ARHGAP24: variants seen among roughly 807,000 people sequenced by gnomAD.
The protein encoded by ARHGAP24 is rho GTPase-activating protein 24.
ARHGAP24 carries 50 observed loss-of-function variants against 76.4 expected under a neutral mutation model. The observed-to-expected ratio is 0.65, with a 90% CI of 0.52 to 0.83. The LOEUF (loss-of-function observed/expected upper bound fraction) is 0.83, where lower values mean the gene tolerates loss of function less well. Ranked by LOEUF, ARHGAP24 falls within the 40% of genes least tolerant of loss-of-function variation. The pLI, the probability that ARHGAP24 is intolerant of heterozygous loss-of-function variation, is 0.00. For missense variants in ARHGAP24, 930 were observed against 914.2 expected (o/e 1.02, Z -0.22); for synonymous variants, 345 against 323.3 (o/e 1.07, Z -0.72).
intron 1 of ARHGAP24, among the ~76,000 whole-genome samples, chr4:85,503,380 G>T (rs1263981067): frequency 6.6e-6 from 1 of 152,066 alleles, no homozygotes; most frequent in African/African-American, 2.4e-5. Context: ...GTTAATTATT[G>T]CCTCAATTTC....
intron 3 of ARHGAP24, among the ~76,000 whole-genome samples, chr4:85,774,909 G>A (rs773706258): frequency 2.6e-5 from 4 of 152,126 alleles, no homozygotes; most frequent in Non-Finnish European, 5.9e-5. Flanking sequence ...TTTGTCAAAT[G>A]CCTGTTTTAT....
chr4:85,509,443 C>G (rs904193462), intron 1 of ARHGAP24, among the ~76,000 whole-genome samples: 2 of 151,550 alleles, frequency 1.3e-5, no homozygotes, highest in African/African-American at 2.4e-5. Context: ...AAAGCGATGG[C>G]TAGATTATAA....
At chr4:85,551,946 CTTAT>C (rs1020126499) in intron 1 of ARHGAP24, among the ~76,000 whole-genome samples, 42 of 152,076 alleles carry the variant, frequency 2.8e-4, no homozygotes, top group African/African-American at 8.4e-4. Context: ...AATGGTCTAC[CTTAT>C]TTATTATTTA....
At chr4:85,930,775 C>A in intron 4 of ARHGAP24, 1 of 1,418,668 alleles carries the variant, frequency 7.0e-7, no homozygotes, top group Non-Finnish European at 9.2e-7. Context: ...GTAACTTATC[C>A]CTAAGCCAGG....
At chr4:85,918,293 A>G (rs974192863) in intron 3 of ARHGAP24, among the ~76,000 whole-genome samples, 1 of 151,976 alleles carries the variant, frequency 6.6e-6, no homozygotes, top group African/African-American at 2.4e-5. Flanking sequence ...AAAAACTCAT[A>G]TTAATAAACT....
intron 3 of ARHGAP24, among the ~76,000 whole-genome samples, chr4:85,766,314 T>A (rs1462810395): frequency 6.6e-6 from 1 of 152,250 alleles, no homozygotes; most frequent in African/African-American, 2.4e-5. Flanking sequence ...GTCGAGAATT[T>A]TCTGTACTTA....
At chr4:85,967,737 C>T (rs1360023590) in intron 5 of ARHGAP24, among the ~76,000 whole-genome samples, 2 of 152,138 alleles carry the variant, frequency 1.3e-5, no homozygotes, top group African/African-American at 2.4e-5. Context: ...GTGAAAGGGA[C>T]TTGAGTCTGT....
At chr4:85,665,383 C>G (rs28871342) in intron 2 of ARHGAP24, among the ~76,000 whole-genome samples, 1 of 152,068 alleles carries the variant, frequency 6.6e-6, no homozygotes, top group East Asian at 1.9e-4. Context: ...CTTCCTCCAT[C>G]CTTTTATTTT....
intron 1 of ARHGAP24, among the ~76,000 whole-genome samples, chr4:85,569,727 C>T (rs558595195): frequency 1.1e-4 from 16 of 152,244 alleles, no homozygotes; most frequent in East Asian, 7.7e-4. Flanking sequence ...TTCAGCTGTA[C>T]GAATCCCTGA....
intron 3 of ARHGAP24, among the ~76,000 whole-genome samples, chr4:85,743,830 G>A (rs1229725623): frequency 6.6e-6 from 1 of 151,996 alleles, no homozygotes; most frequent in East Asian, 1.9e-4. Context: ...TTATAAATAA[G>A]CAAATCTCTT....
chr4:85,601,191 A>G (rs1184310434), intron 2 of ARHGAP24, among the ~76,000 whole-genome samples: 1 of 152,148 alleles, frequency 6.6e-6, no homozygotes, highest in African/African-American at 2.4e-5. Flanking sequence ...TGTAACTACC[A>G]TGGAAGTGAA....
In ARHGAP24 at chr4:85,675,924, A is replaced by G. The variant is rs538307348; in HGVS notation, c.181-45961A>G. The stretch of plus-strand genomic sequence containing the variant: ...ATATCTGACTCCTGCCCTGGACCTC[A>G]GCAACTGAAGTGACATCCTGTATAC... On this transcript the variant is annotated intron_variant, in intron 2 of 9. Transcript: ENST00000395184. Among the ~76,000 whole-genome samples the G allele has an allele frequency of 2.0e-4, 31 of 152,334 alleles. No individual in the cohort carries two copies. In the South Asian group the frequency reaches 6.4e-3, roughly 32 times the overall value.
At chr4:85,506,414 T>G (rs970222536) in intron 1 of ARHGAP24, among the ~76,000 whole-genome samples, 2 of 152,244 alleles carry the variant, frequency 1.3e-5, no homozygotes, top group Admixed American at 6.5e-5. Context: ...TTTGAGCTTC[T>G]TGGCCACTTT....
chr4:85,885,574 T>G (rs780064831), intron 3 of ARHGAP24, among the ~76,000 whole-genome samples: 7 of 152,138 alleles, frequency 4.6e-5, no homozygotes, highest in Non-Finnish European at 8.8e-5. Flanking sequence ...AACAAAACCA[T>G]TCTTGGATCA....
intron 2 of ARHGAP24, among the ~76,000 whole-genome samples, chr4:85,645,260 G>A (rs567528502): frequency 1.6e-3 from 244 of 152,142 alleles, no homozygotes; most frequent in Non-Finnish European, 2.8e-3. Flanking sequence ...CTGGTTATTG[G>A]CACATTTAAT....
intron 3 of ARHGAP24, among the ~76,000 whole-genome samples, chr4:85,910,458 T>A (rs1019098284): frequency 6.6e-6 from 1 of 152,086 alleles, no homozygotes; most frequent in African/African-American, 2.4e-5. Context: ...AATAGAACAG[T>A]TCACAATAGA....
chr4:85,732,574 C>T (rs1341950328), intron 3 of ARHGAP24, among the ~76,000 whole-genome samples: 1 of 152,074 alleles, frequency 6.6e-6, no homozygotes, highest in African/African-American at 2.4e-5. Flanking sequence ...GACTGTCAGG[C>T]TTCCTGGCTT....
intron 7 of ARHGAP24, among the ~76,000 whole-genome samples, chr4:85,975,966 A>G (rs972228135): frequency 1.3e-4 from 20 of 152,202 alleles, no homozygotes; most frequent in Non-Finnish European, 2.5e-4. Context: ...TGGGTTCCAG[A>G]ATTTGAAAAA....
rs1721592505 is a variant in ARHGAP24 at position 85,643,234 on chromosome 4, G to GTGTGTGTTTTTTTTTT, written c.180+72514_180+72515insGTGTGTTTTTTTTTTT. Among the ~76,000 whole-genome samples, 2 of 54,610 alleles carry GTGTGTGTTTTTTTTTT rather than the reference G, an allele frequency of 3.7e-5. 1 individual carries two copies. The highest frequency in any genetic ancestry group is 1.2e-4 in the African/African-American group (2 of 16,920). The allele number at this position is 54,610 out of a possible 152,430, so 35.8% of individuals were successfully genotyped here. On this transcript the variant is annotated intron_variant, in intron 2 of 9. Coordinates refer to ENST00000395184, the MANE Select transcript of ARHGAP24 (RefSeq NM_001025616.3). ...TCTTTTTTATTTTCCGTTTTTTTGT[G>GTGTGTGTTTTTTTTTT]TTTTTTTTTTTTTTTTTTTTTTTTT...
Sources: gnomAD v4.1 joint callset for allele counts (sites outside exome capture counted in the v4.1 genomes callset) on GRCh38, gnomAD v4.1.1 for gene constraint, MANE v1.5 for transcripts, NCBI Gene and HGNC (gene_info 2026-07-23, HGNC 2026-07-21) for gene names.